Variants in DPP6 observed in about 807,000 individuals in gnomAD.
DPP6 encodes the protein A-type potassium channel modulatory protein DPP6.
DPP6 carries 69 observed loss-of-function variants against 122.6 expected under a neutral mutation model. The ratio of observed to expected loss-of-function variants is 0.56; its 90% CI spans 0.46 to 0.69. The LOEUF is 0.69. Ranked by LOEUF, DPP6 falls within the 30% of genes least tolerant of loss-of-function variation. The pLI, the probability that DPP6 is intolerant of heterozygous loss-of-function variation, is 0.00. For missense variants in DPP6, 928 were observed against 1,116.9 expected, an observed-to-expected ratio of 0.83 and a Z score of 2.41; for synonymous variants, 418 against 433.1, an observed-to-expected ratio of 0.97 and a Z score of 0.43.
intron 1 of DPP6, among the ~76,000 whole-genome samples, chr7:154,269,542 A>G (rs1385251279): frequency 6.6e-6 from 1 of 152,176 alleles, no homozygotes; most frequent in Non-Finnish European, 1.5e-5. Context: ...CAAGCTTTGC[A>G]CTTAGATATG....
intron 5 of DPP6, chr7:154,588,083 G>A: frequency 5.0e-6 from 8 of 1,600,882 alleles, no homozygotes; most frequent in Non-Finnish European, 6.8e-6. Context: ...GCAACCGAGT[G>A]AGCCTTGCAG....
At chr7:153,749,391 C>T in the DPP6 span, among the ~76,000 whole-genome samples, 12 of 152,196 alleles carry the variant, frequency 7.9e-5, no homozygotes, top group African/African-American at 2.9e-4. The surrounding 1 kb of genome is among the most constrained non-coding windows in gnomAD (Gnocchi z 4.1). Flanking sequence ...ACAATCAGAC[C>T]CCCCTGGGCC....
chr7:154,694,090 G>A (rs1840080663), intron 7 of DPP6, among the ~76,000 whole-genome samples: 1 of 152,204 alleles, frequency 6.6e-6, no homozygotes, highest in African/African-American at 2.4e-5. Flanking sequence ...GTGAGGGCCT[G>A]TGTCCTGGCT....
intron 8 of DPP6, among the ~76,000 whole-genome samples, chr7:154,735,883 T>A (rs1477685572): frequency 6.6e-6 from 1 of 152,228 alleles, no homozygotes; most frequent in Non-Finnish European, 1.5e-5. Context: ...CCAGGCTGGC[T>A]GCCAAGGCCC....
intron 2 of DPP6, among the ~76,000 whole-genome samples, chr7:154,453,081 C>T (rs1478468736): frequency 2.0e-5 from 3 of 152,114 alleles, no homozygotes; most frequent in Admixed American, 6.5e-5. Flanking sequence ...CTACAGTTCC[C>T]GCATTCTGAT....
intron 25 of DPP6, among the ~76,000 whole-genome samples, chr7:154,892,011 C>T (rs1037084805): frequency 2.0e-5 from 3 of 152,194 alleles, no homozygotes; most frequent in Non-Finnish European, 4.4e-5. Flanking sequence ...AATGTTTTCA[C>T]CCAGTTCCCA....
At chr7:154,368,487 G>A (rs1247873792) in intron 1 of DPP6, among the ~76,000 whole-genome samples, 2 of 152,170 alleles carry the variant, frequency 1.3e-5, no homozygotes, top group African/African-American at 4.8e-5. Context: ...CAGCGCTTGC[G>A]GCTGCAGTGT....
intron 1 of DPP6, among the ~76,000 whole-genome samples, chr7:153,918,464 ACACTCTCT>A (rs1331928848): frequency 1.1e-3 from 90 of 85,324 alleles, no homozygotes; most frequent in African/African-American, 3.1e-3. Flanking sequence ...ACACACACAC[ACACTCTCT>A]CTCTCTCTCT....
At chr7:154,564,894 T>C (rs1014835536) in intron 4 of DPP6, among the ~76,000 whole-genome samples, 1 of 152,172 alleles carries the variant, frequency 6.6e-6, no homozygotes, top group Non-Finnish European at 1.5e-5. Flanking sequence ...TTTCATGCTG[T>C]GAACAACTGT....
intron 3 of DPP6, among the ~76,000 whole-genome samples, chr7:154,534,556 G>A (rs1032945477): frequency 6.6e-6 from 1 of 151,408 alleles, no homozygotes; most frequent in Non-Finnish European, 1.5e-5. Flanking sequence ...AAAATCAATA[G>A]ACAAAATTAA....
intron 6 of DPP6, among the ~76,000 whole-genome samples, chr7:154,667,105 TTTGA>T (rs1428990375): frequency 1.3e-5 from 2 of 152,202 alleles, no homozygotes; most frequent in Non-Finnish European, 2.9e-5. Flanking sequence ...CTTTCATATG[TTTGA>T]TTGAGGGCCA....
chr7:153,841,125 C>A, the DPP6 span, among the ~76,000 whole-genome samples: 3 of 152,188 alleles, frequency 2.0e-5, no homozygotes, highest in Non-Finnish European at 2.9e-5. Flanking sequence ...ATTGCGTCAC[C>A]AATACCACTC....
At chr7:154,022,958 T>C (rs1174531461) in intron 1 of DPP6, among the ~76,000 whole-genome samples, 2 of 152,138 alleles carry the variant, frequency 1.3e-5, no homozygotes, top group East Asian at 1.9e-4. Flanking sequence ...TAACTTCTAA[T>C]CCAAGGGTCA....
At chr7:154,416,744 C>T (rs115906506) in intron 1 of DPP6, among the ~76,000 whole-genome samples, 1,347 of 30,016 alleles carry the variant, frequency 0.045, 15 homozygotes, top group African/African-American at 0.069. Flanking sequence ...TTAGTGTTTA[C>T]GAATTTGAAT....
chr7:154,538,179 G>A (rs188500402), intron 3 of DPP6, among the ~76,000 whole-genome samples: 7 of 152,214 alleles, frequency 4.6e-5, no homozygotes, highest in East Asian at 1.9e-4. Flanking sequence ...ATTGGTTTCC[G>A]TAGAAACAAG....
chr7:154,521,843 A>G (rs561904171), intron 3 of DPP6, among the ~76,000 whole-genome samples: 4 of 152,134 alleles, frequency 2.6e-5, no homozygotes, highest in African/African-American at 9.6e-5. Flanking sequence ...ACAATTCTCC[A>G]CCTTTGTTTC....
At chr7:153,986,815 G>C (rs1409980689) in intron 1 of DPP6, among the ~76,000 whole-genome samples, 1 of 151,906 alleles carries the variant, frequency 6.6e-6, no homozygotes. Flanking sequence ...GTAAACTCTT[G>C]AAGCAAGAAA....
chr7:154,648,977 G>T (rs948924526), intron 6 of DPP6, among the ~76,000 whole-genome samples: 1 of 151,768 alleles, frequency 6.6e-6, no homozygotes, highest in African/African-American at 2.4e-5. Context: ...TGACAAATAG[G>T]TGCAATGAAT....
At chr7:154,010,760 G>A (rs1423900117) in intron 1 of DPP6, among the ~76,000 whole-genome samples, 7 of 152,344 alleles carry the variant, frequency 4.6e-5, no homozygotes, top group African/African-American at 1.7e-4. Flanking sequence ...CTAGAGTTTG[G>A]AAATTTTTAT....
Sources: allele counts gnomAD v4.1 joint callset (sites outside exome capture counted in the v4.1 genomes callset), GRCh38; gene constraint gnomAD v4.1.1; non-coding constraint Gnocchi (gnomAD v3.1); transcripts MANE v1.5; gene names NCBI Gene and HGNC (gene_info 2026-07-23, HGNC 2026-07-21).